Variants in WDR49 observed in about 807,000 individuals in gnomAD.
WDR49 encodes the protein WD repeat domain 49, also known as cilia- and flagella-associated protein 337.
In WDR49, 107 loss-of-function variants were observed where a neutral mutation model predicts 119.5. The observed-to-expected ratio is 0.90, with a 90% CI of 0.77 to 1.05. The LOEUF (loss-of-function observed/expected upper bound fraction) is 1.05. WDR49 is among the 50% of genes least tolerant of loss of function. The pLI, the probability that WDR49 is intolerant of heterozygous loss-of-function variation, is 0.00. For missense variants in WDR49, 1,240 were observed against 1,220.5 expected, an observed-to-expected ratio of 1.02 and a Z score of -0.24; for synonymous variants, 425 against 418.8, an observed-to-expected ratio of 1.01 and a Z score of -0.18.
intron 16 of WDR49, among the ~76,000 whole-genome samples, chr3:167,517,348 G>A (rs1294799905): frequency 6.6e-6 from 1 of 151,956 alleles, no homozygotes; most frequent in Non-Finnish European, 1.5e-5. Flanking sequence ...ACAGAATAGA[G>A]AACTAAGAAA....
chr3:167,644,919 G>A (rs1718046080), intron 2 of WDR49, among the ~76,000 whole-genome samples: 1 of 151,938 alleles, frequency 6.6e-6, no homozygotes, highest in African/African-American at 2.4e-5. Flanking sequence ...TTCTTAACAA[G>A]TTTGGGTGCC....
chr3:167,615,810 C>T (rs1716570506), intron 5 of WDR49, among the ~76,000 whole-genome samples: 1 of 152,182 alleles, frequency 6.6e-6, no homozygotes, highest in East Asian at 1.9e-4. Context: ...TTCTTTTCTG[C>T]CCTTAACCCA....
chr3:167,544,098 A>G (rs891719616), intron 10 of WDR49, among the ~76,000 whole-genome samples: 1 of 151,838 alleles, frequency 6.6e-6, no homozygotes, highest in Non-Finnish European at 1.5e-5. Flanking sequence ...ATTTAGGAAT[A>G]TACCTGACCA....
chr3:167,577,189 C>T (rs573685355), intron 7 of WDR49, among the ~76,000 whole-genome samples: 3 of 152,072 alleles, frequency 2.0e-5, no homozygotes, highest in Non-Finnish European at 4.4e-5. Context: ...CTTCTATTTT[C>T]TCATGGCTCC....
At chr3:167,646,421 G>A (rs76763191) in intron 2 of WDR49, among the ~76,000 whole-genome samples, 2,044 of 152,228 alleles carry the variant, frequency 0.013, 45 homozygotes, top group East Asian at 0.1. Flanking sequence ...GGATTGAGGA[G>A]CTGAGAGTAG....
intron 18 of WDR49, among the ~76,000 whole-genome samples, chr3:167,480,209 A>G (rs1243689104): frequency 6.8e-6 from 1 of 146,366 alleles, no homozygotes; most frequent in Non-Finnish European, 1.5e-5. Flanking sequence ...AGATCAAGCC[A>G]TCGCACTCCA....
intron 5 of WDR49, among the ~76,000 whole-genome samples, chr3:167,607,116 G>T (rs1016028834): frequency 6.6e-6 from 1 of 152,184 alleles, no homozygotes; most frequent in East Asian, 1.9e-4. Context: ...TGGGTATGGG[G>T]TAGGACCACT....
chr3:167,600,461 A>G (rs759995682), intron 7 of WDR49, among the ~76,000 whole-genome samples: 1 of 152,136 alleles, frequency 6.6e-6, no homozygotes, highest in Non-Finnish European at 1.5e-5. Context: ...AGGTACTGTG[A>G]GTGCTCACCT....
intron 2 of WDR49, among the ~76,000 whole-genome samples, chr3:167,645,204 T>TA (rs1335473928): frequency 3.3e-5 from 5 of 151,798 alleles, no homozygotes; most frequent in Non-Finnish European, 7.4e-5. Flanking sequence ...TAATTTAATT[T>TA]ATTTATTTAT....
intron 2 of WDR49, among the ~76,000 whole-genome samples, chr3:167,644,968 CT>C (rs923488903): frequency 4.0e-5 from 6 of 151,754 alleles, no homozygotes; most frequent in Non-Finnish European, 7.4e-5. Context: ...AGCATTCTTT[CT>C]TGAATACATA....
At chr3:167,553,190 A>G (rs1378419069) in intron 10 of WDR49, among the ~76,000 whole-genome samples, 2 of 152,138 alleles carry the variant, frequency 1.3e-5, no homozygotes, top group South Asian at 2.1e-4. Context: ...GTGAAATAAT[A>G]TAACAGAATG....
In WDR49 at chr3:167,582,031, C is replaced by CGTGTGTGTGT. The variant is rs57233824; in HGVS notation, c.1276-5890_1276-5881dup. On this transcript the variant is annotated intron_variant, in intron 7 of 18. Transcript: ENST00000682715. ...AAAAGGGAGAGTGTGGGCATGCTTC[C>CGTGTGTGTGT]GTGTGTGTGTGTGTGTGTGTGTGTG... Among the ~76,000 whole-genome samples the CGTGTGTGTGT allele has an allele frequency of 4.1e-3, 590 of 142,416 alleles. 9 individuals carry two copies. In the East Asian group the frequency reaches 0.043, roughly 10 times the overall value. The allele number at this position is 142,416 out of a possible 152,430, so 93.4% of individuals were successfully genotyped here.
At chr3:167,487,136 A>C (rs918161064) in intron 18 of WDR49, among the ~76,000 whole-genome samples, 5 of 152,152 alleles carry the variant, frequency 3.3e-5, no homozygotes, top group Non-Finnish European at 5.9e-5. Flanking sequence ...CTATACTATA[A>C]GGCCACAGTA....
intron 10 of WDR49, among the ~76,000 whole-genome samples, chr3:167,543,444 G>A (rs1711965796): frequency 6.6e-6 from 1 of 151,934 alleles, no homozygotes; most frequent in Non-Finnish European, 1.5e-5. Flanking sequence ...AATCCAACAT[G>A]ATCAAGTGGG....
chr3:167,622,209 A>T (rs1157367160), intron 3 of WDR49, among the ~76,000 whole-genome samples: 1 of 152,080 alleles, frequency 6.6e-6, no homozygotes, highest in East Asian at 1.9e-4. Flanking sequence ...ATATATGTGC[A>T]AACAACTAAA....
At chr3:167,653,667 C>G (rs899218145) in intron 1 of WDR49, among the ~76,000 whole-genome samples, 167 bp downstream of exon 1, 2 of 152,180 alleles carry the variant, frequency 1.3e-5, no homozygotes, top group African/African-American at 4.8e-5. Context: ...CAGTTGAATG[C>G]TTTTAAAATG....
At chr3:167,574,956 A>G (rs1243693551) in intron 8 of WDR49, 3 of 623,866 alleles carry the variant, frequency 4.8e-6, no homozygotes, top group Non-Finnish European at 4.0e-6. Context: ...GAATAACCAG[A>G]AAACAGTGTT....
rs1310824669 is a variant in WDR49 at position 167,500,258 on chromosome 3, G to A, written c.2926C>T (p.Pro976Ser). 13 of 1,606,898 alleles carry A rather than the reference G, an allele frequency of 8.1e-6. No individual in the cohort carries two copies. Among genetic ancestry groups the A allele is most frequent in the African/African-American group, 1.3e-5 (1 of 74,272 alleles). The change falls in exon 18 of 19, where the codon CCT becomes TCT. Residue 976 changes from proline (P) to serine (S), a missense_variant. Pro to Ser is a moderately conservative substitution (Grantham distance 74). Coordinates refer to ENST00000682715, the MANE Select transcript of WDR49 (RefSeq NM_001366157.1). ...AGGAAAGCAGGTTTATTCACTTCAGGCAGCTCTTCCAGGGCTCCAATGTTT... is the reference window on the plus strand; with the variant it reads ...AGGAAAGCAGGTTTATTCACTTCAGACAGCTCTTCCAGGGCTCCAATGTTT... ...SLNIGALEEL[P>S]EVNKPAFLLD...
Position 167,653,286 on chromosome 3 carries a change from A to C in WDR49, c.140T>G (p.Phe47Cys). 6.5e-7 allele frequency: 1 copy of C among 1,536,174 alleles called. No individual in the cohort carries two copies. The change falls in exon 2 of 19, where the codon TTT (phenylalanine) becomes TGT (cysteine). Residue 47 changes from phenylalanine (F) to cysteine (C), a missense_variant. Physicochemically the swap from Phe to Cys is radical, Grantham distance 205 (BLOSUM62 -2). Transcript: ENST00000682715. ...LLENQLSVGDFVKIQKAFESP... is the reference protein window; with the variant it reads ...LLENQLSVGDCVKIQKAFESP... Reference sequence around the variant, plus strand: ...CTCAAAGGCCTTCTGTATTTTTACAAAGTCACCCACGCTGAGTTGGTTTTC... The same window carrying C: ...CTCAAAGGCCTTCTGTATTTTTACACAGTCACCCACGCTGAGTTGGTTTTC...
Sources: gnomAD v4.1 joint callset for allele counts (sites outside exome capture counted in the v4.1 genomes callset) on GRCh38, gnomAD v4.1.1 for gene constraint, MANE v1.5 for transcripts, NCBI Gene and HGNC (gene_info 2026-07-23, HGNC 2026-07-21) for gene names.